The following RB1 variants were observed in gnomAD, a reference collection of about 807,000 sequenced individuals.
RB1 encodes RB transcriptional corepressor 1.
A neutral mutation model predicts 135.4 loss-of-function variants in RB1; 18 were observed. The observed-to-expected ratio is 0.13, with a 90% CI of 0.09 to 0.20. RB1 has a LOEUF of 0.20. RB1 is among the 10% of genes least tolerant of loss of function. RB1 has a pLI of 1.00. For synonymous variants in RB1, 365 were observed against 373.2 expected, an observed-to-expected ratio of 0.98 and a Z score of 0.25; for missense variants, 868 against 1,110.0, an observed-to-expected ratio of 0.78 and a Z score of 3.10.
chr13:48,428,801 G>A lies in RB1; in HGVS notation c.1696-24192G>A, dbSNP rs1167556689. Among the ~76,000 whole-genome samples, 4 of 152,296 alleles carry A rather than the reference G, an allele frequency of 2.6e-5. No homozygotes were observed. The East Asian group carries it at 7.7e-4, about 29-fold the overall frequency. ...TACAAAAGCAGGAAATATCTCTGCTGCTTTCAAATAATTAGAACAAGGGTT... is the reference window on the plus strand; with the variant it reads ...TACAAAAGCAGGAAATATCTCTGCTACTTTCAAATAATTAGAACAAGGGTT... On this transcript the variant is annotated intron_variant, in intron 17 of 26. Transcript: ENST00000267163.
Position 48,342,676 on chromosome 13 carries a change from G to A in RB1, c.342G>A (p.Ser114=), listed in dbSNP as rs748093967. 20 of 1,611,650 alleles carry A rather than the reference G, an allele frequency of 1.2e-5. No individual in the cohort carries two copies. Among genetic ancestry groups the A allele is most frequent in the South Asian group, 4.4e-5 (4 of 91,022 alleles). The change falls in exon 3 of 27, where the codon TCG becomes TCA. Residue 114 remains serine, a synonymous_variant. Transcript: ENST00000267163. ...CAGCAGTTGACCTAGATGAGATGTC[G>A]TTCACTTTTACTGAGCTACAGAAAA... is the stretch of plus-strand genomic sequence containing the variant. ...FIAAVDLDEM[S]FTFTELQKNI...
chr13:48,353,895 A>G (rs1952569618), intron 6 of RB1, among the ~76,000 whole-genome samples: 1 of 152,130 alleles, frequency 6.6e-6, no homozygotes, highest in South Asian at 2.1e-4. Context: ...AGCATCCTTC[A>G]TGCCCAAAAC....
At chr13:48,407,557 T>A (rs917037998) in intron 17 of RB1, among the ~76,000 whole-genome samples, 1 of 152,136 alleles carries the variant, frequency 6.6e-6, no homozygotes, top group East Asian at 1.9e-4. Flanking sequence ...GAATTAGAGA[T>A]TTTAGGAGTT....
At chr13:48,345,847 T>A (rs898799649) in intron 4 of RB1, among the ~76,000 whole-genome samples, 3 of 152,100 alleles carry the variant, frequency 2.0e-5, no homozygotes, top group Non-Finnish European at 4.4e-5. Flanking sequence ...TGTAATAGCA[T>A]GGTAAAGGGA....
intron 17 of RB1, among the ~76,000 whole-genome samples, chr13:48,399,864 T>C (rs1566205910): frequency 6.6e-6 from 1 of 152,040 alleles, no homozygotes; most frequent in South Asian, 2.1e-4. Flanking sequence ...TTCTTTAATT[T>C]TAAAACACTC....
In RB1 at chr13:48,327,731, G is replaced by A. The variant is rs4151440; in HGVS notation, c.265-14868G>A. Among the ~76,000 whole-genome samples, 784 of 152,310 alleles carry A rather than the reference G, an allele frequency of 5.1e-3. 4 individuals are homozygous for A. Among genetic ancestry groups the A allele is most frequent in the Non-Finnish European group, 8.2e-3 (556 of 68,006 alleles). Reference sequence around the variant, plus strand: ...GGAGTTAAGAGAGTAACTGCTTGCAGTTTTAAATAGACAATTAACTTTTTG... The same window carrying A: ...GGAGTTAAGAGAGTAACTGCTTGCAATTTTAAATAGACAATTAACTTTTTG... On this transcript the variant is annotated intron_variant, in intron 2 of 26. Transcript: ENST00000267163.
chr13:48,430,122 C>T (rs1330728881), intron 17 of RB1, among the ~76,000 whole-genome samples: 1 of 152,118 alleles, frequency 6.6e-6, no homozygotes, highest in East Asian at 1.9e-4. Flanking sequence ...TCACCCAAAC[C>T]AGATTATTAT....
At chr13:48,409,047 G>A (rs1340028526) in intron 17 of RB1, among the ~76,000 whole-genome samples, 1 of 151,760 alleles carries the variant, frequency 6.6e-6, no homozygotes, top group Non-Finnish European at 1.5e-5. Context: ...GGAATTTCAG[G>A]TCAATGGAAG....
chr13:48,457,177 A>G (rs1425755300), intron 19 of RB1, among the ~76,000 whole-genome samples: 4 of 152,174 alleles, frequency 2.6e-5, no homozygotes, highest in Admixed American at 2.6e-4. Context: ...GAAGACCCAT[A>G]GTGGGCAGCT....
At chr13:48,433,515 A>C (rs762852520) in intron 17 of RB1, among the ~76,000 whole-genome samples, 2 of 152,156 alleles carry the variant, frequency 1.3e-5, no homozygotes, top group Non-Finnish European at 2.9e-5. Flanking sequence ...TTTTGTTCAG[A>C]GAATTTCTGC....
At chr13:48,421,678 G>T (rs1394293917) in intron 17 of RB1, among the ~76,000 whole-genome samples, 2 of 151,828 alleles carry the variant, frequency 1.3e-5, no homozygotes, top group African/African-American at 4.8e-5. Context: ...CAGGAAAAAA[G>T]CAAACAACTC....
At chr13:48,342,787 T>C in intron 3 of RB1, 73 bp downstream of exon 3, 1 of 1,038,732 alleles carries the variant, frequency 9.6e-7, no homozygotes, top group African/African-American at 1.6e-5. Context: ...CTCAATAGAC[T>C]TTTGTGAATT....
At chr13:48,321,488 T>C (rs1952240384) in intron 2 of RB1, among the ~76,000 whole-genome samples, 1 of 151,856 alleles carries the variant, frequency 6.6e-6, no homozygotes, top group African/African-American at 2.4e-5. Flanking sequence ...ATGGTTTTAA[T>C]TGGTATTTCC....
At position 48,364,874 on chromosome 13, in the gene RB1, T is replaced by C. The variant is rs1042945773; in HGVS notation, c.862-20T>C. 1.6e-5 allele frequency: 24 copies of C among 1,548,182 alleles called. 1 individual carries two copies. In the Admixed American group the frequency reaches 4.5e-4, roughly 29 times the overall value. ...TTGTTTTAAATTTTAATGATCATGT[T>C]GTAACTTCATCTTTTTCAGGTGAAA... On this transcript the variant is annotated intron_variant, in intron 8 of 26. Coordinates refer to ENST00000267163, the MANE Select transcript of RB1 (RefSeq NM_000321.3).
intron 17 of RB1, among the ~76,000 whole-genome samples, chr13:48,441,959 GC>G (rs2138308628): frequency 6.6e-6 from 1 of 152,180 alleles, no homozygotes; most frequent in East Asian, 1.9e-4. Flanking sequence ...ATAATTTGAT[GC>G]CTTGTCACTT....
chr13:48,410,830 G>C (rs4151548), intron 17 of RB1, among the ~76,000 whole-genome samples: 39 of 152,170 alleles, frequency 2.6e-4, no homozygotes, highest in Middle Eastern at 3.4e-3. Flanking sequence ...TACTGCTCAA[G>C]ATCTTCCAAC....
intron 2 of RB1, chr13:48,318,351 T>C (rs551346750): frequency 7.0e-7 from 1 of 1,425,022 alleles, no homozygotes; most frequent in South Asian, 1.4e-5. Context: ...AGCCCTGGGT[T>C]CCCTGCACCT....
intron 17 of RB1, among the ~76,000 whole-genome samples, chr13:48,406,878 A>G (rs1392360966): frequency 6.6e-6 from 1 of 151,812 alleles, no homozygotes; most frequent in East Asian, 1.9e-4. Context: ...ATATAGCAAG[A>G]CCTCATCTTT....
intron 6 of RB1, among the ~76,000 whole-genome samples, chr13:48,359,513 CTT>C (rs1165819001): frequency 6.8e-6 from 1 of 146,548 alleles, no homozygotes; most frequent in African/African-American, 2.5e-5. Flanking sequence ...TTCTAATAAA[CTT>C]AGTAATTTTA....
Sources: allele counts gnomAD v4.1 joint callset (sites outside exome capture counted in the v4.1 genomes callset), GRCh38; gene constraint gnomAD v4.1.1; transcripts MANE v1.5; gene names NCBI Gene and HGNC (gene_info 2026-07-23, HGNC 2026-07-21).